Variants in DOCK3 observed in about 807,000 individuals in gnomAD.
DOCK3 encodes the protein dedicator of cytokinesis 3.
DOCK3 carries 60 observed loss-of-function variants against 265.6 expected under a neutral mutation model. That is an observed-to-expected ratio of 0.23 (90% CI 0.18 to 0.28). The LOEUF (loss-of-function observed/expected upper bound fraction) is 0.28, where lower values mean the gene tolerates loss of function less well. Among genes scored for constraint, DOCK3 ranks in the 10% least tolerant of loss-of-function variants. DOCK3 has a pLI of 1.00. For synonymous variants in DOCK3, 881 were observed against 938.0 expected (o/e 0.94, Z 1.11); for missense variants, 1,981 against 2,594.3 (o/e 0.76, Z 5.14).
intron 5 of DOCK3, among the ~76,000 whole-genome samples, chr3:50,951,773 T>A (rs1236456164): frequency 6.6e-6 from 1 of 150,494 alleles, no homozygotes. Flanking sequence ...TTAAAGGAGA[T>A]TATACAATGC....
chr3:50,744,319 G>A (rs1206186133), intron 1 of DOCK3, among the ~76,000 whole-genome samples: 1 of 152,072 alleles, frequency 6.6e-6, no homozygotes, highest in African/African-American at 2.4e-5. Flanking sequence ...TGCTTTTGGT[G>A]TCATAACTTA....
intron 1 of DOCK3, among the ~76,000 whole-genome samples, chr3:50,727,542 A>C (rs765660731): frequency 1.4e-4 from 21 of 152,104 alleles, no homozygotes; most frequent in Non-Finnish European, 2.2e-4. Context: ...TACTAAAAAT[A>C]CAAAAATTAG....
chr3:50,835,587 TAC>T (rs2045459070), intron 2 of DOCK3, among the ~76,000 whole-genome samples: 2 of 152,252 alleles, frequency 1.3e-5, no homozygotes, highest in South Asian at 4.1e-4. Flanking sequence ...CACATATAAA[TAC>T]ACAGACAGAA....
chr3:51,379,592 T>TC, intron 51 of DOCK3: 1 of 985,168 alleles, frequency 1.0e-6, no homozygotes, highest in Non-Finnish European at 1.2e-6. Flanking sequence ...CTCCAGCGGG[T>TC]CCCCCGATAG....
chr3:50,997,006 G>C (rs1394567212), intron 5 of DOCK3, among the ~76,000 whole-genome samples: 3 of 152,118 alleles, frequency 2.0e-5, no homozygotes, highest in Non-Finnish European at 4.4e-5. Flanking sequence ...TTCCCCAGCA[G>C]TCCTATAGAA....
intron 1 of DOCK3, among the ~76,000 whole-genome samples, chr3:50,763,312 G>A (rs554722634): frequency 4.5e-4 from 68 of 151,956 alleles, no homozygotes; most frequent in African/African-American, 1.4e-3. Flanking sequence ...ATGGAGTCTC[G>A]CTCTGTTGCC....
intron 2 of DOCK3, among the ~76,000 whole-genome samples, chr3:50,792,881 G>A (rs1036564175): frequency 1.3e-5 from 2 of 151,816 alleles, no homozygotes; most frequent in African/African-American, 4.8e-5. Context: ...ATATTGGCCT[G>A]TTCTCTGCCA....
intron 7 of DOCK3, among the ~76,000 whole-genome samples, chr3:51,085,118 A>G (rs1174279377): frequency 6.6e-6 from 1 of 152,250 alleles, no homozygotes. Context: ...CAATTCAGCA[A>G]GAGGATATAA....
chr3:50,857,698 C>A (rs2046672430), intron 3 of DOCK3, among the ~76,000 whole-genome samples: 1 of 152,168 alleles, frequency 6.6e-6, no homozygotes, highest in Non-Finnish European at 1.5e-5. Flanking sequence ...CACTGGTCAT[C>A]AGAGAAATGC....
intron 12 of DOCK3, among the ~76,000 whole-genome samples, chr3:51,206,401 A>G (rs2089210053): frequency 1.3e-5 from 2 of 152,206 alleles, no homozygotes; most frequent in Non-Finnish European, 1.5e-5. Flanking sequence ...GAAGTGACAA[A>G]TAGGTGCCCT....
intron 4 of DOCK3, among the ~76,000 whole-genome samples, chr3:50,904,019 G>A (rs2049341180): frequency 6.6e-6 from 1 of 152,026 alleles, no homozygotes; most frequent in South Asian, 2.1e-4. Flanking sequence ...GTGGTGTTTG[G>A]TTTTTTGTCC....
At chr3:51,071,927 C>T (rs1174945607) in intron 6 of DOCK3, among the ~76,000 whole-genome samples, 4 of 152,152 alleles carry the variant, frequency 2.6e-5, no homozygotes, top group Non-Finnish European at 5.9e-5. Context: ...ATAACTTTTG[C>T]AAACTACCCT....
intron 33 of DOCK3, among the ~76,000 whole-genome samples, chr3:51,331,845 C>G (rs1240847996): frequency 2.0e-5 from 3 of 152,176 alleles, no homozygotes; most frequent in Non-Finnish European, 2.9e-5. Context: ...GTATAGTGAT[C>G]AGCATTTCCC....
chr3:51,065,127 A>G (rs1447723852), intron 6 of DOCK3, among the ~76,000 whole-genome samples: 1 of 152,166 alleles, frequency 6.6e-6, no homozygotes, highest in Non-Finnish European at 1.5e-5. Context: ...TACAATTTGA[A>G]GACTTTGGTA....
chr3:51,379,552 T>TC lies in DOCK3; in HGVS notation c.5501-569dup, dbSNP rs1339741141. The stretch of plus-strand genomic sequence containing the variant: ...GGCGCATCCTGGCCCCCCCAGTGCC[T>TC]CCCCGAAGCCTGCTGCATGGTAAGA... On this transcript the variant is annotated intron_variant, in intron 51 of 52. Coordinates refer to ENST00000266037, the MANE Select transcript of DOCK3 (RefSeq NM_004947.5). 6.1e-6 allele frequency: 6 copies of TC among 985,236 alleles called. No individual in the cohort carries two copies. The African/African-American group carries it at 7.0e-5, about 11-fold the overall frequency. 61.0% of individuals were successfully genotyped at this position (985,236 alleles called of 1,614,324 possible).
chr3:50,728,608 G>A (rs1315949270), intron 1 of DOCK3, among the ~76,000 whole-genome samples: 3 of 152,024 alleles, frequency 2.0e-5, no homozygotes, highest in Non-Finnish European at 4.4e-5. Flanking sequence ...TGAAAGTAGG[G>A]GAGACATCAG....
intron 5 of DOCK3, among the ~76,000 whole-genome samples, chr3:50,939,037 T>C (rs1319497824): frequency 6.6e-6 from 1 of 151,860 alleles, no homozygotes; most frequent in Non-Finnish European, 1.5e-5. Flanking sequence ...GATAAACACC[T>C]ACCAAAACTG....
At chr3:50,861,862 T>G (rs2046930621) in intron 3 of DOCK3, among the ~76,000 whole-genome samples, 1 of 151,756 alleles carries the variant, frequency 6.6e-6, no homozygotes, top group Non-Finnish European at 1.5e-5. Context: ...TCGTTTTTTT[T>G]TTTTTTTTAA....
intron 27 of DOCK3, among the ~76,000 whole-genome samples, chr3:51,299,095 T>C (rs193205119): frequency 1.3e-5 from 2 of 152,268 alleles, no homozygotes; most frequent in East Asian, 3.9e-4. Flanking sequence ...TTTCTTGACA[T>C]TTTTAATAAT....
Sources: gnomAD v4.1 joint callset for allele counts (sites outside exome capture counted in the v4.1 genomes callset) on GRCh38, gnomAD v4.1.1 for gene constraint, MANE v1.5 for transcripts, NCBI Gene and HGNC (gene_info 2026-07-23, HGNC 2026-07-21) for gene names.